FBXO32: variants seen among roughly 807,000 people sequenced by gnomAD.
FBXO32 encodes F-box only protein 32.
A neutral mutation model predicts 48.3 loss-of-function variants in FBXO32; 15 were observed. That is an observed-to-expected ratio of 0.31 (90% CI 0.21 to 0.48). FBXO32 has a LOEUF of 0.48. FBXO32 is among the 20% of genes least tolerant of loss of function. The probability of loss-of-function intolerance (pLI) is 0.99; values close to 1 mark genes in which losing one functional copy is unlikely to be tolerated. For synonymous variants in FBXO32, 154 were observed against 165.9 expected (o/e 0.93, Z 0.55); for missense variants, 309 against 432.7 (o/e 0.71, Z 2.54).
At chr8:123,539,257 C>CT (rs749996278) in intron 1 of FBXO32, among the ~76,000 whole-genome samples, 33 of 152,288 alleles carry the variant, frequency 2.2e-4, no homozygotes, top group East Asian at 9.7e-4. Flanking sequence ...TCTTCAGACC[C>CT]TTTCGGCACT....
Position 123,513,402 on chromosome 8 carries a change from A to C in FBXO32, c.467-20T>G. On this transcript the variant is annotated intron_variant, in intron 5 of 8. Transcript: ENST00000517956. This position sits in a 1 kb window ranked among gnomAD's most constrained non-coding sequence, Gnocchi z 4.3. ...CAAGGACTTGAGTAGGGAAGAAAAA[A>C]ATAATTAAAGTTATGATACTGGAAC... The C allele has an allele frequency of 6.2e-7, 1 of 1,603,414 alleles. No homozygotes were observed. Among genetic ancestry groups the C allele is most frequent in the Non-Finnish European group, 8.5e-7 (1 of 1,171,686 alleles).
intron 4 of FBXO32, among the ~76,000 whole-genome samples, chr8:123,524,080 T>C (rs542760240): frequency 2.0e-5 from 3 of 152,350 alleles, no homozygotes; most frequent in South Asian, 2.1e-4. Flanking sequence ...AGTTATTTTA[T>C]ACTATTAGGA....
At position 123,541,039 on chromosome 8, in the gene FBXO32, T is replaced by A; in HGVS notation, c.-25A>T. 2.0e-6 allele frequency: 3 copies of A among 1,522,386 alleles called. No homozygotes were observed. The highest frequency in any genetic ancestry group is 2.7e-6 in the Non-Finnish European group (3 of 1,115,352). 94.3% of individuals were successfully genotyped at this position (1,522,386 alleles called of 1,614,324 possible). ...TGGCACCGCGAGCGGACTAGACGGA[T>A]GGGGAGACGGGGCCGGCCTGGTGGG... On this transcript the variant is annotated 5_prime_UTR_variant, in exon 1 of 9. Transcript: ENST00000517956.
rs1261583583 is a variant in FBXO32 at position 123,501,286 on chromosome 8, TAGA to T, written c.*2084_*2086del. ...GAAATTGGAGAGAACCTGACAATTA[TAGA>T]AGAAGTAGCTTTTTATTCAGCAGTC... On this transcript the variant is annotated 3_prime_UTR_variant, in exon 9 of 9. Coordinates refer to ENST00000517956, the MANE Select transcript of FBXO32 (RefSeq NM_058229.4). 2 of 151,222 alleles carry T rather than the reference TAGA, an allele frequency of 1.3e-5. No individual in the cohort carries two copies. Among genetic ancestry groups the T allele is most frequent in the African/African-American group, 2.4e-5 (1 of 41,100 alleles). The allele number at this position is 151,222 out of a possible 1,614,324, so 9.4% of individuals were successfully genotyped here. A position where few individuals can be genotyped will look rare whatever the true frequency, so the allele number is the denominator to read the frequency against.
chr8:123,508,877 C>T (rs1043051171), intron 6 of FBXO32, among the ~76,000 whole-genome samples: 3 of 152,168 alleles, frequency 2.0e-5, no homozygotes, highest in Non-Finnish European at 4.4e-5. Context: ...AAAATCCTTG[C>T]CCAGACCCCA....
chr8:123,520,750 C>T (rs1469103647), intron 4 of FBXO32, among the ~76,000 whole-genome samples: 3 of 152,126 alleles, frequency 2.0e-5, no homozygotes, highest in Non-Finnish European at 4.4e-5. Context: ...CATCAGTTCA[C>T]GTTACTTCTT....
Position 123,513,432 on chromosome 8 carries a change from T to C in FBXO32, c.467-50A>G, listed in dbSNP as rs1433904758. 5.5e-6 allele frequency: 8 copies of C among 1,443,280 alleles called. No homozygotes were observed. The highest frequency in any genetic ancestry group is 7.7e-6 in the Non-Finnish European group (8 of 1,041,116). 89.4% of individuals were successfully genotyped at this position (1,443,280 alleles called of 1,614,324 possible). ...TTAAAGTTATGATACTGGAACACCC[T>C]GTATTTTACACATGAGCTTGTCTCT... On this transcript the variant is annotated intron_variant, in intron 5 of 8. Transcript: ENST00000517956. This position sits in a 1 kb window ranked among gnomAD's most constrained non-coding sequence, Gnocchi z 4.3.
In FBXO32 at chr8:123,541,054, G is replaced by GAA; in HGVS notation, c.-41_-40insTT. 2 of 1,403,976 alleles carry GAA rather than the reference G, an allele frequency of 1.4e-6. No homozygotes were observed. Among genetic ancestry groups the GAA allele is most frequent in the East Asian group, 5.3e-5 (2 of 37,548 alleles). The allele number at this position is 1,403,976 out of a possible 1,614,324, so 87.0% of individuals were successfully genotyped here. A position where few individuals can be genotyped will look rare whatever the true frequency, so the allele number is the denominator to read the frequency against. ...ACTAGACGGATGGGGAGACGGGGCC[G>GAA]GCCTGGTGGGCTCGGGGACGTGCCA... On this transcript the variant is annotated 5_prime_UTR_variant, in exon 1 of 9. Transcript: ENST00000517956.
chr8:123,532,132 T>C, intron 3 of FBXO32, 142 bp from the exon 4 acceptor site: 2 of 1,441,426 alleles, frequency 1.4e-6, no homozygotes, highest in Non-Finnish European at 1.8e-6. Context: ...CACTGGCTTC[T>C]TTCCTGTACC....
At chr8:123,522,478 G>A (rs974113737) in intron 4 of FBXO32, among the ~76,000 whole-genome samples, 5 of 151,930 alleles carry the variant, frequency 3.3e-5, no homozygotes, top group African/African-American at 1.2e-4. Context: ...CAAAGTATTG[G>A]GATTACAGGT....
At chr8:123,532,221 C>T (rs1299680003) in intron 3 of FBXO32, 3 of 1,310,756 alleles carry the variant, frequency 2.3e-6, no homozygotes, top group South Asian at 1.9e-5. Flanking sequence ...TCAAACACCC[C>T]CTTTTCGTGA....
chr8:123,541,098 G>A lies in FBXO32; in HGVS notation c.-84C>T, dbSNP rs1817403941. 3.5e-6 allele frequency: 3 copies of A among 848,050 alleles called. No homozygotes were observed. The highest frequency in any genetic ancestry group is 5.7e-5 in the South Asian group (2 of 35,344). The allele number at this position is 848,050 out of a possible 1,614,324, so 52.5% of individuals were successfully genotyped here. ...CGTGCCACCCGGGGCGGATGCTCGG[G>A]GTGCAGGGGCCCGCGACGGGGGCGG... On this transcript the variant is annotated 5_prime_UTR_variant, in exon 1 of 9. Coordinates refer to ENST00000517956, the MANE Select transcript of FBXO32 (RefSeq NM_058229.4).
intron 4 of FBXO32, among the ~76,000 whole-genome samples, chr8:123,523,599 A>AAACAAC (rs143361308): frequency 2.0e-4 from 29 of 146,638 alleles, no homozygotes; most frequent in South Asian, 4.3e-4. Context: ...AAAACAAAAC[A>AAACAAC]AACAACAACA....
intron 1 of FBXO32, among the ~76,000 whole-genome samples, chr8:123,539,256 C>CT (rs1283581075): frequency 1.3e-5 from 2 of 152,088 alleles, no homozygotes; most frequent in African/African-American, 4.8e-5. Context: ...CTCTTCAGAC[C>CT]CTTTCGGCAC....
At chr8:123,537,271 C>T (rs1172316089) in intron 1 of FBXO32, among the ~76,000 whole-genome samples, 1 of 151,146 alleles carries the variant, frequency 6.6e-6, no homozygotes, top group South Asian at 2.1e-4. Context: ...ACCATCTCAA[C>T]GAGGCTGCTT....
rs1816422525 is a variant in FBXO32 at position 123,499,016 on chromosome 8, A to C, written c.*4357T>G. On this transcript the variant is annotated 3_prime_UTR_variant, in exon 9 of 9. Transcript: ENST00000517956. ...CTTGAGAAAAATCACATCCAATGTC[A>C]TGTGTTTCCAGCCACACCAAAAGGT... is the stretch of plus-strand genomic sequence containing the variant. 1 of 152,184 alleles carries C rather than the reference A, an allele frequency of 6.6e-6. No homozygotes were observed. Among genetic ancestry groups the C allele is most frequent in the South Asian group, 2.1e-4 (1 of 4,828 alleles). The allele number at this position is 152,184 out of a possible 1,614,324, so 9.4% of individuals were successfully genotyped here.
chr8:123,524,871 G>C (rs894611260), intron 4 of FBXO32, among the ~76,000 whole-genome samples: 8 of 152,180 alleles, frequency 5.3e-5, no homozygotes, highest in Non-Finnish European at 8.8e-5. Context: ...CTTTATTGCT[G>C]CTGCAGTGGT....
Position 123,540,755 on chromosome 8 carries a change from G to T in FBXO32, c.116+144C>A. The T allele has an allele frequency of 1.6e-6, 1 of 638,772 alleles. No individual in the cohort carries two copies. The allele number at this position is 638,772 out of a possible 1,614,324, so 39.6% of individuals were successfully genotyped here. A position where few individuals can be genotyped will look rare whatever the true frequency, so the allele number is the denominator to read the frequency against. ...GTCCGAAGACCTCTGCAGAAATCGGGCCCCGTAGTCCCACCCTCCGGGTCA... is the reference window on the plus strand; with the variant it reads ...GTCCGAAGACCTCTGCAGAAATCGGTCCCCGTAGTCCCACCCTCCGGGTCA... On this transcript the variant is annotated intron_variant, in intron 1 of 8. Transcript: ENST00000517956. The surrounding 1 kb of genome is among the most constrained non-coding windows in gnomAD (Gnocchi z 6.4).
intron 6 of FBXO32, among the ~76,000 whole-genome samples, chr8:123,507,349 A>G (rs1816647317): frequency 6.6e-6 from 1 of 152,154 alleles, no homozygotes; most frequent in African/African-American, 2.4e-5. Flanking sequence ...TGCCCAGCAC[A>G]CAGAAGGTGC....
Sources: gnomAD v4.1 joint callset for allele counts (sites outside exome capture counted in the v4.1 genomes callset) on GRCh38, gnomAD v4.1.1 for gene constraint, Gnocchi (gnomAD v3.1) non-coding constraint, MANE v1.5 for transcripts, NCBI Gene and HGNC (gene_info 2026-07-23, HGNC 2026-07-21) for gene names.